ZC3H13: variants seen among roughly 807,000 people sequenced by gnomAD.
The protein encoded by ZC3H13 is zinc finger CCCH domain-containing protein 13.
In ZC3H13, 64 loss-of-function variants were observed where a neutral mutation model predicts 204.1. That is an observed-to-expected ratio of 0.31 (90% CI 0.26 to 0.39). The LOEUF (loss-of-function observed/expected upper bound fraction) is 0.39. Ranked by LOEUF, ZC3H13 falls within the 10% of genes least tolerant of loss-of-function variation. ZC3H13 has a pLI of 1.00. For missense variants in ZC3H13, 1,833 were observed against 2,082.7 expected (o/e 0.88, Z 2.33); for synonymous variants, 667 against 693.7 (o/e 0.96, Z 0.60).
intron 5 of ZC3H13, 30 bp downstream of exon 5, chr13:46,020,419 C>T (rs759457461): frequency 6.5e-6 from 10 of 1,533,882 alleles, no homozygotes; most frequent in South Asian, 1.1e-5. Context: ...ATCAAGAATT[C>T]GCCATTTAAA....
At chr13:45,992,394 G>A (rs1453814574) in intron 8 of ZC3H13, among the ~76,000 whole-genome samples, 1 of 152,156 alleles carries the variant, frequency 6.6e-6, no homozygotes, top group Non-Finnish European at 1.5e-5. Flanking sequence ...TTGCTACTAT[G>A]TGTGTGACAC....
chr13:45,996,125 C>T (rs1460306978), intron 8 of ZC3H13, among the ~76,000 whole-genome samples: 3 of 152,060 alleles, frequency 2.0e-5, no homozygotes, highest in South Asian at 4.1e-4. Flanking sequence ...ACCCTTGTTC[C>T]TAAAATACTA....
intron 11 of ZC3H13, among the ~76,000 whole-genome samples, chr13:45,978,109 C>T (rs1189726146): frequency 6.6e-6 from 1 of 152,104 alleles, no homozygotes; most frequent in Non-Finnish European, 1.5e-5. Context: ...GGCCCTAATT[C>T]AGATGTCACT....
At chr13:45,962,675 G>C (rs1478260405) in intron 17 of ZC3H13, 1 of 979,772 alleles carries the variant, frequency 1.0e-6, no homozygotes, top group Non-Finnish European at 1.2e-6. Context: ...TAGAGTAAAG[G>C]AAGGGCATGA....
chr13:45,958,606 C>T (rs1004931940), intron 18 of ZC3H13, among the ~76,000 whole-genome samples: 1 of 150,948 alleles, frequency 6.6e-6, no homozygotes, highest in Non-Finnish European at 1.5e-5. Context: ...TCAGTCTGTA[C>T]TACCTATACC....
At chr13:45,976,069 G>C (rs556141273) in intron 11 of ZC3H13, 1 of 822,984 alleles carries the variant, frequency 1.2e-6, no homozygotes, top group Non-Finnish European at 1.5e-6. Flanking sequence ...CCTGCTCCCC[G>C]TCAACCCCCT....
chr13:46,024,988 T>C (rs777018606), intron 4 of ZC3H13, among the ~76,000 whole-genome samples: 31 of 152,228 alleles, frequency 2.0e-4, no homozygotes, highest in Non-Finnish European at 4.1e-4. Context: ...CCTCTTATAT[T>C]GGATTTACTT....
In ZC3H13 at chr13:45,969,797, G is replaced by A. The variant is rs749709654; in HGVS notation, c.2747C>T (p.Ser916Phe). Residue 916 changes from serine to phenylalanine, a missense_variant, in exon 14 of 19, where the codon TCT becomes TTT. By Grantham distance (155) the Ser-to-Phe change is radical. Around this residue, in one of 5 missense-constraint regions of ZC3H13, gnomAD observed 1,574 missense variants for 1,757.2 expected, o/e 0.90. Transcript: ENST00000679008. ...TGTCTGTTCTCTCTGTTTATCTACA[G>A]AAGAAACTTTCTCCTTGAGTTCCTG... ...EEQELKEKVSSVDKQREQTEI... is the reference protein window; with the variant it reads ...EEQELKEKVSFVDKQREQTEI... 5.6e-6 allele frequency: 9 copies of A among 1,613,746 alleles called. No homozygotes were observed. The highest frequency in any genetic ancestry group is 3.3e-5 in the Admixed American group (2 of 59,986).
intron 4 of ZC3H13, among the ~76,000 whole-genome samples, chr13:46,031,920 T>C (rs189332713): frequency 6.6e-6 from 1 of 152,240 alleles, no homozygotes; most frequent in Admixed American, 6.5e-5. Flanking sequence ...ATTATACTCC[T>C]ATTTACCCAA....
At chr13:46,039,335 T>C in intron 4 of ZC3H13, among the ~76,000 whole-genome samples, 1 of 152,240 alleles carries the variant, frequency 6.6e-6, no homozygotes, top group East Asian at 1.9e-4. Context: ...AGGCTGATGT[T>C]CATCTTCTAT....
At chr13:46,041,643 T>C (rs945169770) in intron 4 of ZC3H13, among the ~76,000 whole-genome samples, 2 of 152,182 alleles carry the variant, frequency 1.3e-5, no homozygotes, top group African/African-American at 4.8e-5. Flanking sequence ...ACTTTTCTTT[T>C]ATTCAATGAA....
At position 45,967,632 on chromosome 13, in the gene ZC3H13, T is replaced by G; in HGVS notation, c.4193A>C (p.His1398Pro). The G allele has an allele frequency of 6.2e-7, 1 of 1,614,156 alleles. No homozygotes were observed. The highest frequency in any genetic ancestry group is 1.3e-5 in the African/African-American group (1 of 75,052). The change falls in exon 15 of 19, where the codon CAT (histidine) becomes CCT (proline). Residue 1398 changes from histidine to proline, a missense_variant. By Grantham distance (77) the His-to-Pro change is moderately conservative. This residue lies in a region of ZC3H13 where 1,574 missense variants were observed against 1,757.2 expected (regional missense o/e 0.90). Coordinates refer to ENST00000679008, the MANE Select transcript of ZC3H13 (RefSeq NM_001330564.2). ...GGAAGTGCTTTCTAGATCCCTTTCA[T>G]GTTCACCTTCCAGTTTTGCTTCACA... is the stretch of plus-strand genomic sequence containing the variant. ...KRCEAKLEGE[H>P]ERDLESTSRD...
chr13:46,005,071 G>C (rs2041035286), intron 7 of ZC3H13, among the ~76,000 whole-genome samples: 1 of 152,136 alleles, frequency 6.6e-6, no homozygotes, highest in Admixed American at 6.5e-5. Context: ...TTGCAGGTCA[G>C]AAGTCCAAAG....
intron 11 of ZC3H13, among the ~76,000 whole-genome samples, chr13:45,979,288 T>C (rs1593513110): frequency 2.6e-5 from 4 of 152,260 alleles, no homozygotes; most frequent in Admixed American, 6.5e-5. Flanking sequence ...GCTTAAGACA[T>C]ATAAGAACGT....
rs368340261 is a variant in ZC3H13, at chr13:45,967,743, C to T, written c.4082G>A (p.Arg1361Lys). 6.9e-5 allele frequency: 112 copies of T among 1,613,048 alleles called. No individual in the cohort carries two copies. Among genetic ancestry groups the T allele is most frequent in the Non-Finnish European group, 9.3e-5 (110 of 1,179,564 alleles). ...KRRDLDRERE[R>K]LISDSVERDR... ...CCTTTCAACAGAATCAGAAATTAGT[C>T]TCTCTCTTTCCCTATCCAAGTCTCT... The change falls in exon 15 of 19, where the codon AGA becomes AAA. Residue 1361 changes from arginine to lysine, a missense_variant. Around this residue, in one of 5 missense-constraint regions of ZC3H13, gnomAD observed 1,574 missense variants for 1,757.2 expected, o/e 0.90. Transcript: ENST00000679008.
chr13:45,984,094 C>A (rs1452285598), intron 10 of ZC3H13, among the ~76,000 whole-genome samples: 1 of 151,970 alleles, frequency 6.6e-6, no homozygotes, highest in Non-Finnish European at 1.5e-5. Flanking sequence ...AGAACAAGTA[C>A]CAAAAGAAGA....
chr13:45,963,968 C>G lies in ZC3H13; in HGVS notation c.4549G>C (p.Ala1517Pro). ...CCAGGTGTGAATTTTAAGAGTGCAG[C>G]CCCAGGCTCTCGTGGTTCTTTTGGA... ...KHPKEPREPG[A>P]ALLKFTPGAV... The change falls in exon 17 of 19, where the codon GCT becomes CCT. Residue 1517 changes from alanine (A) to proline (P), a missense_variant. Coordinates refer to ENST00000679008, the MANE Select transcript of ZC3H13 (RefSeq NM_001330564.2). 1 of 1,614,132 alleles carries G rather than the reference C, an allele frequency of 6.2e-7. No homozygotes were observed. Among genetic ancestry groups the G allele is most frequent in the Non-Finnish European group, 8.5e-7 (1 of 1,180,008 alleles).
At chr13:45,981,075 A>C (rs563701755) in intron 10 of ZC3H13, among the ~76,000 whole-genome samples, 14 of 152,336 alleles carry the variant, frequency 9.2e-5, no homozygotes, top group African/African-American at 3.4e-4. Context: ...CTTCAAAACA[A>C]AATGAAATTT....
At chr13:46,029,423 ACTT>A (rs1244603916) in intron 4 of ZC3H13, among the ~76,000 whole-genome samples, 6 of 149,868 alleles carry the variant, frequency 4.0e-5, no homozygotes, top group Non-Finnish European at 8.9e-5. Context: ...GAGATGGACT[ACTT>A]CTTTTTTTTT....
Sources: gnomAD v4.1 joint callset for allele counts (sites outside exome capture counted in the v4.1 genomes callset) on GRCh38, gnomAD v4.1.1 for gene constraint, gnomAD v4.1.1 regional missense constraint, MANE v1.5 for transcripts, NCBI Gene and HGNC (gene_info 2026-07-23, HGNC 2026-07-21) for gene names.